The following R3HCC1L variants were observed in gnomAD, a reference collection of about 807,000 sequenced individuals.
The protein encoded by R3HCC1L is coiled-coil domain-containing protein R3HCC1L.
In R3HCC1L, 51 loss-of-function variants were observed where a neutral mutation model predicts 59.9. The ratio of observed to expected loss-of-function variants is 0.85; its 90% CI spans 0.68 to 1.07. The LOEUF is 1.07. Among genes scored for constraint, R3HCC1L ranks in the 50% least tolerant of loss-of-function variants. The pLI is 0.00. For synonymous variants in R3HCC1L, 322 were observed against 315.2 expected (o/e 1.02, Z -0.23); for missense variants, 965 against 933.0 (o/e 1.03, Z -0.45).
chr10:98,157,987 A>G (rs943108638), intron 2 of R3HCC1L, among the ~76,000 whole-genome samples: 1 of 152,216 alleles, frequency 6.6e-6, no homozygotes, highest in African/African-American at 2.4e-5. Context: ...GAATAGTTAT[A>G]CCTTCCTTGA....
intron 5 of R3HCC1L, among the ~76,000 whole-genome samples, chr10:98,222,390 G>T (rs1435345075): frequency 6.6e-6 from 1 of 151,708 alleles, no homozygotes; most frequent in East Asian, 1.9e-4. Flanking sequence ...CTGCCTAATT[G>T]CCCTGGCCAG....
At chr10:98,174,695 G>T (rs765837166) in intron 4 of R3HCC1L, 6 of 984,358 alleles carry the variant, frequency 6.1e-6, no homozygotes, top group Non-Finnish European at 7.2e-6. Flanking sequence ...TGGAGACTTT[G>T]TGTCTGAGAA....
intron 4 of R3HCC1L, among the ~76,000 whole-genome samples, chr10:98,183,075 A>G (rs946513774): frequency 1.3e-5 from 2 of 152,028 alleles, no homozygotes; most frequent in African/African-American, 4.8e-5. Flanking sequence ...AATGAGATGA[A>G]CCAGGTACCT....
rs573206517 is a variant in R3HCC1L at position 98,144,835 on chromosome 10, A to T, written c.-268+10129A>T. On this transcript the variant is annotated intron_variant, in intron 1 of 9. Coordinates refer to ENST00000298999, the MANE Select transcript of R3HCC1L (RefSeq NM_001351015.2). ...ATTTATGTCAGGTTATTTAGGCCTA[A>T]TGGAGGAGAAGGATCTTGAATGAAA... 7.2e-5 allele frequency among the ~76,000 whole-genome samples: 11 copies of T among 152,348 alleles called. 1 individual carries two copies. In the South Asian group the frequency reaches 2.3e-3, roughly 32 times the overall value.
chr10:98,170,930 A>G (rs908102474), intron 4 of R3HCC1L, among the ~76,000 whole-genome samples: 1 of 152,242 alleles, frequency 6.6e-6, no homozygotes, highest in African/African-American at 2.4e-5. Context: ...ATTGTCAGCT[A>G]TTCATCCAAT....
At chr10:98,235,403 T>C (rs1208759998) in intron 7 of R3HCC1L, 22 bp from the exon 8 acceptor site, 8 of 1,597,614 alleles carry the variant, frequency 5.0e-6, no homozygotes, top group Non-Finnish European at 6.9e-6. Flanking sequence ...TGTCTTCTGC[T>C]TCCTTTTATT....
At chr10:98,198,990 G>A (rs1368941105) in intron 4 of R3HCC1L, among the ~76,000 whole-genome samples, 1 of 152,100 alleles carries the variant, frequency 6.6e-6, no homozygotes, top group Admixed American at 6.5e-5. Context: ...ATTTAATGCA[G>A]TATATTCAAA....
intron 1 of R3HCC1L, among the ~76,000 whole-genome samples, chr10:98,141,042 TC>T (rs1220787193): frequency 6.6e-6 from 1 of 152,152 alleles, no homozygotes; most frequent in Non-Finnish European, 1.5e-5. Context: ...GTCTTCTTTT[TC>T]TAGGCATTTA....
intron 4 of R3HCC1L, among the ~76,000 whole-genome samples, chr10:98,177,654 A>G (rs968127518): frequency 6.6e-6 from 1 of 152,192 alleles, no homozygotes. Flanking sequence ...CTAACAGTGT[A>G]GAAGTGTTCC....
intron 4 of R3HCC1L, among the ~76,000 whole-genome samples, chr10:98,177,031 T>A (rs747376855): frequency 1.5e-4 from 23 of 152,284 alleles, no homozygotes; most frequent in Non-Finnish European, 2.4e-4. Context: ...AAAATTAATT[T>A]ATTAATTAAT....
At chr10:98,189,252 A>T (rs1225634315) in intron 4 of R3HCC1L, among the ~76,000 whole-genome samples, 2 of 152,156 alleles carry the variant, frequency 1.3e-5, no homozygotes, top group Non-Finnish European at 2.9e-5. Context: ...TACTAAAACA[A>T]AAAATAGTGA....
chr10:98,178,083 G>C (rs1004410061), intron 4 of R3HCC1L, among the ~76,000 whole-genome samples: 1 of 152,030 alleles, frequency 6.6e-6, no homozygotes, highest in South Asian at 2.1e-4. Flanking sequence ...GTCTATTTTG[G>C]CTTTCGTTTT....
intron 9 of R3HCC1L, among the ~76,000 whole-genome samples, chr10:98,242,800 C>G (rs1391157075): frequency 6.6e-6 from 1 of 152,174 alleles, no homozygotes; most frequent in Non-Finnish European, 1.5e-5. Flanking sequence ...CTCCTAACTT[C>G]TCCATGTTTG....
At chr10:98,135,262 C>T (rs995350162) in intron 1 of R3HCC1L, among the ~76,000 whole-genome samples, 1 of 152,202 alleles carries the variant, frequency 6.6e-6, no homozygotes, top group Non-Finnish European at 1.5e-5. Flanking sequence ...AGTGCAGCCC[C>T]CTCTCAGTTG....
intron 4 of R3HCC1L, among the ~76,000 whole-genome samples, chr10:98,171,633 A>G (rs1054092010): frequency 2.6e-5 from 4 of 152,188 alleles, no homozygotes; most frequent in South Asian, 4.1e-4. Context: ...GATTTCGGGT[A>G]TAGTTAATAG....
In R3HCC1L at chr10:98,231,573, A is replaced by G. The variant is rs1188145222; in HGVS notation, c.1847A>G (p.His616Arg). Residue 616 changes from histidine (H) to arginine (R), a missense_variant, in exon 6 of 10, where the codon CAT becomes CGT. Physicochemically the swap from His to Arg is conservative, Grantham distance 29 (BLOSUM62 0). Coordinates refer to ENST00000298999, the MANE Select transcript of R3HCC1L (RefSeq NM_001351015.2). ...GAACCTAGATCTGATTACTACAATC[A>G]TGAAGTTCCTGATATTGACCTCAGT... is the stretch of plus-strand genomic sequence containing the variant. ...IQEPRSDYYNHEVPDIDLSDC... is the reference protein window; with the variant it reads ...IQEPRSDYYNREVPDIDLSDC... The G allele has an allele frequency of 5.6e-6, 9 of 1,612,928 alleles. No homozygotes were observed. Among genetic ancestry groups the G allele is most frequent in the African/African-American group, 1.3e-5 (1 of 74,900 alleles).
intron 4 of R3HCC1L, among the ~76,000 whole-genome samples, chr10:98,198,146 A>G (rs1564679638): frequency 6.6e-6 from 1 of 152,104 alleles, no homozygotes; most frequent in South Asian, 2.1e-4. Flanking sequence ...ATGGGCTGAC[A>G]GTGATACTGT....
intron 4 of R3HCC1L, among the ~76,000 whole-genome samples, chr10:98,204,700 A>G (rs1016156704): frequency 6.6e-6 from 1 of 152,054 alleles, no homozygotes; most frequent in Non-Finnish European, 1.5e-5. Context: ...ACTTTGAGAG[A>G]CCACATTCAC....
chr10:98,153,585 G>T (rs945465089), intron 1 of R3HCC1L, among the ~76,000 whole-genome samples: 7 of 136,418 alleles, frequency 5.1e-5, no homozygotes, highest in Admixed American at 2.4e-4. Context: ...CCCCCTCTGC[G>T]AGAAACACCC....
Sources: allele counts gnomAD v4.1 joint callset (sites outside exome capture counted in the v4.1 genomes callset), GRCh38; gene constraint gnomAD v4.1.1; transcripts MANE v1.5; gene names NCBI Gene and HGNC (gene_info 2026-07-23, HGNC 2026-07-21).